TRPS1: variants seen among roughly 807,000 people sequenced by gnomAD.
TRPS1 encodes transcriptional repressor GATA binding 1, also known as zinc finger transcription factor Trps1.
In TRPS1, 6 loss-of-function variants were observed where a neutral mutation model predicts 101.2. The ratio of observed to expected loss-of-function variants is 0.06; its 90% CI spans 0.03 to 0.12. TRPS1 has a LOEUF of 0.12. TRPS1 is among the 10% of genes least tolerant of loss of function. TRPS1 has a pLI of 1.00. For synonymous variants in TRPS1, 578 were observed against 589.8 expected (o/e 0.98, Z 0.29); for missense variants, 1,363 against 1,567.0 (o/e 0.87, Z 2.20).
chr8:115,441,894 A>AGTGTGTGTGTGT (rs746166025), intron 5 of TRPS1, among the ~76,000 whole-genome samples: 4 of 132,280 alleles, frequency 3.0e-5, no homozygotes, highest in East Asian at 2.1e-4. Flanking sequence ...AGAGAGAGAG[A>AGTGTGTGTGTGT]GAGAGTGTGT....
chr8:115,431,048 T>G (rs546391729), intron 5 of TRPS1, among the ~76,000 whole-genome samples: 1 of 152,200 alleles, frequency 6.6e-6, no homozygotes, highest in East Asian at 1.9e-4. Flanking sequence ...TATGATTAAT[T>G]TTTATTGCCA....
chr8:115,642,583 C>G (rs1428625425), intron 1 of TRPS1, among the ~76,000 whole-genome samples: 1 of 151,804 alleles, frequency 6.6e-6, no homozygotes, highest in East Asian at 1.9e-4. Flanking sequence ...AATCCAAATA[C>G]AATTCAATAG....
chr8:115,409,281 A>AAAAAAAAC lies in TRPS1; in HGVS notation c.*4741_*4742insGTTTTTTT, dbSNP rs71287270. 3 of 144,562 alleles carry AAAAAAAAC rather than the reference A, an allele frequency of 2.1e-5. No homozygotes were observed. The highest frequency in any genetic ancestry group is 6.9e-5 in the Admixed American group (1 of 14,412). The allele number at this position is 144,562 out of a possible 1,614,324, so 9.0% of individuals were successfully genotyped here. On this transcript the variant is annotated 3_prime_UTR_variant, in exon 7 of 7. Transcript: ENST00000395715. ...GTTGGGAAAAAAAAAAAAAAAAAAA[A>AAAAAAAAC]CAGGGGAAAACCAGAATTGAGTTTT...
At chr8:115,447,248 A>G (rs1813760562) in intron 5 of TRPS1, among the ~76,000 whole-genome samples, 1 of 152,132 alleles carries the variant, frequency 6.6e-6, no homozygotes, top group Non-Finnish European at 1.5e-5. Context: ...GCTCCAAAGG[A>G]GCTTAGTCAT....
chr8:115,622,219 T>G (rs2130540061), intron 2 of TRPS1, among the ~76,000 whole-genome samples: 1 of 152,138 alleles, frequency 6.6e-6, no homozygotes, highest in East Asian at 1.9e-4. Flanking sequence ...GTAAACTATT[T>G]TTTTTTAATG....
At chr8:115,651,152 G>T (rs1350925302) in intron 1 of TRPS1, among the ~76,000 whole-genome samples, 1 of 152,162 alleles carries the variant, frequency 6.6e-6, no homozygotes, top group Non-Finnish European at 1.5e-5. Flanking sequence ...TTAGTTCATA[G>T]TGTCTCACAT....
chr8:115,454,804 A>T (rs1273735488), intron 5 of TRPS1, among the ~76,000 whole-genome samples: 1 of 152,146 alleles, frequency 6.6e-6, no homozygotes, highest in Admixed American at 6.6e-5. Context: ...TAAATTTTTC[A>T]TGGTACAAAG....
At chr8:115,568,635 T>C in intron 5 of TRPS1, among the ~76,000 whole-genome samples, 1 of 152,266 alleles carries the variant, frequency 6.6e-6, no homozygotes, top group Admixed American at 6.5e-5. Context: ...AAAATTTTTT[T>C]CCACAAATGG....
chr8:115,655,510 G>A (rs1811657773), intron 1 of TRPS1, among the ~76,000 whole-genome samples: 1 of 152,086 alleles, frequency 6.6e-6, no homozygotes, highest in Admixed American at 6.6e-5. Flanking sequence ...TCTGATTCCA[G>A]GGAGGTGATT....
At chr8:115,594,166 T>C (rs555060912) in intron 4 of TRPS1, among the ~76,000 whole-genome samples, 4 of 152,244 alleles carry the variant, frequency 2.6e-5, no homozygotes, top group Admixed American at 2.6e-4. Context: ...AATAAACCCT[T>C]CATTAGTTAA....
At chr8:115,507,626 A>G (rs565632326) in intron 5 of TRPS1, among the ~76,000 whole-genome samples, 1 of 152,082 alleles carries the variant, frequency 6.6e-6, no homozygotes, top group Non-Finnish European at 1.5e-5. Context: ...ACACAGTACA[A>G]AAATCTATAA....
chr8:115,648,816 T>C (rs1811491069), intron 1 of TRPS1, among the ~76,000 whole-genome samples: 1 of 152,208 alleles, frequency 6.6e-6, no homozygotes, highest in Non-Finnish European at 1.5e-5. Context: ...AAAGTACTTT[T>C]TTAAGTCTAA....
chr8:115,414,841 A>G lies in TRPS1; in HGVS notation c.3067T>C (p.Leu1023=). The part of the protein sequence containing the change: ...SLSKYEAQGS[L]TKSHSAQQPV... ...TGCTGAGCAGAATGGCTTTTAGTCA[A>G]TGAACCCTGGGCTTCGTATTTACTT... Residue 1023 remains leucine (L), a synonymous_variant, in exon 7 of 7, where the codon TTG becomes CTG. Transcript: ENST00000395715. This position sits in a 1 kb window ranked among gnomAD's most constrained non-coding sequence, Gnocchi z 4.8. 1.2e-6 allele frequency: 2 copies of G among 1,614,016 alleles called. No individual in the cohort carries two copies. Among genetic ancestry groups the G allele is most frequent in the East Asian group, 2.2e-5 (1 of 44,860 alleles).
At chr8:115,524,319 C>CTTTTT (rs139406462) in intron 5 of TRPS1, among the ~76,000 whole-genome samples, 8 of 70,702 alleles carry the variant, frequency 1.1e-4, no homozygotes, top group East Asian at 4.4e-4. Flanking sequence ...CTTCTTCTTC[C>CTTTTT]TTTTTTTTTT....
At chr8:115,493,575 C>G (rs1025136891) in intron 5 of TRPS1, among the ~76,000 whole-genome samples, 1 of 151,906 alleles carries the variant, frequency 6.6e-6, no homozygotes, top group Non-Finnish European at 1.5e-5. Flanking sequence ...TCCCGAACTC[C>G]TGACCTCAAG....
chr8:115,520,983 C>T (rs1815846759), intron 5 of TRPS1, among the ~76,000 whole-genome samples: 1 of 151,758 alleles, frequency 6.6e-6, no homozygotes, highest in Admixed American at 6.6e-5. Flanking sequence ...TTTGGAGGTT[C>T]CACGCTTATG....
chr8:115,535,485 AGCATATATATAGCATATATATAGC>A (rs1478951313), intron 5 of TRPS1, among the ~76,000 whole-genome samples: 2 of 143,762 alleles, frequency 1.4e-5, no homozygotes, highest in South Asian at 2.1e-4. Flanking sequence ...ACACATATAT[AGCATATATATAGCATATATATAGC>A]GCATATATAT....
intron 5 of TRPS1, among the ~76,000 whole-genome samples, chr8:115,585,110 T>G (rs369671842): frequency 6.6e-6 from 1 of 152,176 alleles, no homozygotes; most frequent in African/African-American, 2.4e-5. Flanking sequence ...GCTATTATTG[T>G]AGAACACAGC....
Position 115,619,640 on chromosome 8 carries a change from G to A in TRPS1, c.458C>T (p.Ala153Val). ...CAGTGAGTCCCCTGAGGGGGTGCAG[G>A]CCATATCTTGAGGGTCATCTGCCTC... ...RAEADDPQDM[A>V]CTPSGDSLET... Residue 153 changes from alanine (A) to valine (V), a missense_variant, in exon 3 of 7, where the codon GCC becomes GTC. By Grantham distance (64) the Ala-to-Val change is moderately conservative. This residue lies in a region of TRPS1 where 1,020 missense variants were observed against 1,073.0 expected (regional missense o/e 0.95). Transcript: ENST00000395715. 1.9e-6 allele frequency: 3 copies of A among 1,614,152 alleles called. No homozygotes were observed. Among genetic ancestry groups the A allele is most frequent in the Non-Finnish European group, 2.5e-6 (3 of 1,180,028 alleles).
Sources: allele counts gnomAD v4.1 joint callset (sites outside exome capture counted in the v4.1 genomes callset), GRCh38; gene constraint gnomAD v4.1.1; regional missense constraint gnomAD v4.1.1; non-coding constraint Gnocchi (gnomAD v3.1); transcripts MANE v1.5; gene names NCBI Gene and HGNC (gene_info 2026-07-23, HGNC 2026-07-21).